TMEM132C: variants seen among roughly 807,000 people sequenced by gnomAD.
TMEM132C encodes transmembrane protein 132C.
Under a neutral mutation model 61.4 loss-of-function variants are expected in TMEM132C, and 29 were observed. The ratio of observed to expected loss-of-function variants is 0.47; its 90% CI spans 0.35 to 0.64. The LOEUF is 0.64. Among genes scored for constraint, TMEM132C ranks in the 30% least tolerant of loss-of-function variants. The pLI, the probability that TMEM132C is intolerant of heterozygous loss-of-function variation, is 0.00. For missense variants in TMEM132C, 1,408 were observed against 1,476.9 expected (o/e 0.95, Z 0.76); for synonymous variants, 656 against 633.1 (o/e 1.04, Z -0.54).
At chr12:128,429,340 G>A (rs1381568109) in intron 2 of TMEM132C, among the ~76,000 whole-genome samples, 2 of 152,178 alleles carry the variant, frequency 1.3e-5, no homozygotes, top group East Asian at 1.9e-4. Flanking sequence ...AACGTGCAGC[G>A]ATGGAGAAAC....
At chr12:128,474,284 C>A (rs904990335) in intron 2 of TMEM132C, among the ~76,000 whole-genome samples, 5 of 152,140 alleles carry the variant, frequency 3.3e-5, no homozygotes, top group African/African-American at 9.7e-5. Flanking sequence ...AACCTCTGGT[C>A]TGGCAGGTTT....
intron 2 of TMEM132C, among the ~76,000 whole-genome samples, chr12:128,526,457 C>A (rs975188208): frequency 2.0e-5 from 3 of 152,150 alleles, no homozygotes; most frequent in Non-Finnish European, 2.9e-5. Flanking sequence ...CCCTGGGGAC[C>A]TAATCACCTC....
intron 1 of TMEM132C, among the ~76,000 whole-genome samples, chr12:128,327,579 T>TTCACCGTGTTAGCCAGGATGGTC (rs1407807095): frequency 3.3e-5 from 5 of 152,186 alleles, no homozygotes; most frequent in Admixed American, 3.3e-4. Context: ...GAGACGGGGT[T>TTCACCGTGTTAGCCAGGATGGTC]TCACCGTGTT....
intron 1 of TMEM132C, among the ~76,000 whole-genome samples, chr12:128,318,113 C>T (rs529856290): frequency 1.3e-5 from 2 of 152,094 alleles, no homozygotes; most frequent in Non-Finnish European, 1.5e-5. Flanking sequence ...GTGAAAAAAA[C>T]AGACACGGAT....
intron 1 of TMEM132C, among the ~76,000 whole-genome samples, chr12:128,283,762 TCC>T (rs1021829235): frequency 6.6e-6 from 1 of 152,128 alleles, no homozygotes; most frequent in African/African-American, 2.4e-5. Context: ...AGTTCCCTTT[TCC>T]TAATCCCAGG....
chr12:128,544,276 A>G (rs1454670675), intron 3 of TMEM132C, among the ~76,000 whole-genome samples, 173 bp downstream of exon 3: 1 of 152,224 alleles, frequency 6.6e-6, no homozygotes, highest in African/African-American at 2.4e-5. Context: ...CTGCCTCTGC[A>G]GCAGGGCGGG....
chr12:128,449,827 T>C (rs1870120959), intron 2 of TMEM132C, among the ~76,000 whole-genome samples: 1 of 152,212 alleles, frequency 6.6e-6, no homozygotes, highest in Admixed American at 6.5e-5. Flanking sequence ...CGTTTCCATG[T>C]CGAAACTCTT....
chr12:128,616,489 T>A (rs901249928), intron 4 of TMEM132C, among the ~76,000 whole-genome samples, 154 bp downstream of exon 4: 1 of 152,250 alleles, frequency 6.6e-6, no homozygotes, highest in Non-Finnish European at 1.5e-5. Flanking sequence ...GTTGTTACTT[T>A]TCATGAGCCT....
At chr12:128,277,291 A>C (rs1373675969) in intron 1 of TMEM132C, among the ~76,000 whole-genome samples, 2 of 152,206 alleles carry the variant, frequency 1.3e-5, no homozygotes, top group Admixed American at 1.3e-4. Flanking sequence ...GGGTCAAGTG[A>C]TGTCATTGGA....
chr12:128,514,533 C>T (rs1531245), intron 2 of TMEM132C, among the ~76,000 whole-genome samples: 3,079 of 152,150 alleles, frequency 0.02, 111 homozygotes, highest in African/African-American at 0.068. Flanking sequence ...AGGCGGGGTG[C>T]GGGGGCGACG....
At chr12:128,398,887 T>C (rs1875052483) in intron 1 of TMEM132C, among the ~76,000 whole-genome samples, 1 of 152,202 alleles carries the variant, frequency 6.6e-6, no homozygotes, top group Admixed American at 6.5e-5. Flanking sequence ...CGGATATTTT[T>C]CCCCACTGAC....
At chr12:128,666,090 C>CACAA (rs1555241637) in intron 4 of TMEM132C, among the ~76,000 whole-genome samples, 5,985 of 142,896 alleles carry the variant, frequency 0.042, 544 homozygotes, top group African/African-American at 0.15. Context: ...CACACACACA[C>CACAA]AGGCACACAT....
intron 3 of TMEM132C, among the ~76,000 whole-genome samples, chr12:128,607,200 T>G (rs954524460): frequency 6.6e-6 from 1 of 152,140 alleles, no homozygotes; most frequent in Non-Finnish European, 1.5e-5. Context: ...GCAATGATCC[T>G]AAAGCAGGAA....
intron 2 of TMEM132C, among the ~76,000 whole-genome samples, chr12:128,427,334 G>C (rs1249422980): frequency 6.6e-6 from 1 of 151,554 alleles, no homozygotes; most frequent in Non-Finnish European, 1.5e-5. Flanking sequence ...TCCTAGAGAA[G>C]TGGGGTGTGT....
chr12:128,639,248 A>G (rs1335785920), intron 4 of TMEM132C, among the ~76,000 whole-genome samples: 1 of 114,666 alleles, frequency 8.7e-6, no homozygotes, highest in Non-Finnish European at 1.8e-5. Context: ...GATGGTGATA[A>G]TGATGATGGT....
At chr12:128,435,977 G>C (rs1229179981) in intron 2 of TMEM132C, among the ~76,000 whole-genome samples, 1 of 152,088 alleles carries the variant, frequency 6.6e-6, no homozygotes, top group Non-Finnish European at 1.5e-5. Flanking sequence ...CAGAACAGAG[G>C]CCTCAGAAAT....
rs931598231 is a variant in TMEM132C, at chr12:128,707,375, A to C, written c.*1080A>C. 20 of 152,246 alleles carry C rather than the reference A, an allele frequency of 1.3e-4. No individual in the cohort carries two copies. Among genetic ancestry groups the C allele is most frequent in the African/African-American group, 4.8e-4 (20 of 41,466 alleles). The allele number at this position is 152,246 out of a possible 1,614,324, so 9.4% of individuals were successfully genotyped here. Reference sequence around the variant, plus strand: ...AACCTGGTGGGCTTGGTCTATCACAAGACATAACTGATGCTGAACATGAAC... The same window carrying C: ...AACCTGGTGGGCTTGGTCTATCACACGACATAACTGATGCTGAACATGAAC... On this transcript the variant is annotated 3_prime_UTR_variant, in exon 9 of 9. Transcript: ENST00000435159.
intron 8 of TMEM132C, 57 bp from the exon 9 acceptor site, chr12:128,705,033 G>C (rs1276019323): frequency 6.2e-6 from 9 of 1,460,146 alleles, no homozygotes; most frequent in Non-Finnish European, 8.2e-6. Flanking sequence ...CTAGGAGGGG[G>C]TTTCTAAGGG....
At chr12:128,639,537 G>C (rs1411908039) in intron 4 of TMEM132C, among the ~76,000 whole-genome samples, 1 of 152,202 alleles carries the variant, frequency 6.6e-6, no homozygotes, top group African/African-American at 2.4e-5. Context: ...TGGAGAAAGA[G>C]AATGGCATTT....
Sources: gnomAD v4.1 joint callset for allele counts (sites outside exome capture counted in the v4.1 genomes callset) on GRCh38, gnomAD v4.1.1 for gene constraint, MANE v1.5 for transcripts, NCBI Gene and HGNC (gene_info 2026-07-23, HGNC 2026-07-21) for gene names.